The following ROBO2 variants were observed in gnomAD, a reference collection of about 807,000 sequenced individuals.
The protein encoded by ROBO2 is roundabout guidance receptor 2, also known as roundabout homolog 2.
In ROBO2, 53 loss-of-function variants were observed where a neutral mutation model predicts 160.8. The ratio of observed to expected loss-of-function variants is 0.33; its 90% CI spans 0.26 to 0.41. ROBO2 has a LOEUF of 0.41. Ranked by LOEUF, ROBO2 falls within the 10% of genes least tolerant of loss-of-function variation. The pLI is 1.00. For synonymous variants in ROBO2, 664 were observed against 611.7 expected (o/e 1.09, Z -1.26); for missense variants, 1,577 against 1,722.4 (o/e 0.92, Z 1.49).
At chr3:76,947,365 A>G (rs2078625550) in intron 2 of ROBO2, among the ~76,000 whole-genome samples, 1 of 152,194 alleles carries the variant, frequency 6.6e-6, no homozygotes, top group African/African-American at 2.4e-5. Flanking sequence ...TTGTTGGAAC[A>G]AAGGTTTTCC....
In ROBO2 at chr3:77,569,070, C is replaced by T. The variant is rs75136116; in HGVS notation, c.1971+636C>T. Among the ~76,000 whole-genome samples, 736 of 152,024 alleles carry T rather than the reference C, an allele frequency of 4.8e-3. 5 individuals carry two copies. The highest frequency in any genetic ancestry group is 6.6e-3 in the Non-Finnish European group (449 of 67,936). On this transcript the variant is annotated intron_variant, in intron 13 of 25. Coordinates refer to ENST00000461745, the Ensembl canonical transcript of ROBO2. ...ATTCCTTCTTCAGTTGATGGATGTT[C>T]GGGTTGTTTCCAGTTTTGTCTATTA...
intron 12 of ROBO2, 30 bp downstream of exon 13, chr3:77,565,150 TTCTA>T (rs780079194): frequency 2.5e-6 from 4 of 1,612,028 alleles, no homozygotes; most frequent in Non-Finnish European, 3.4e-6. Flanking sequence ...ACAAGACTGG[TTCTA>T]GGCAGAAACA....
chr3:76,588,243 G>T (rs954702223), intron 2 of ROBO2, among the ~76,000 whole-genome samples: 6 of 152,136 alleles, frequency 3.9e-5, no homozygotes, highest in African/African-American at 1.4e-4. Flanking sequence ...ACTGTGTCAT[G>T]TATTGGTATC....
At chr3:77,113,737 C>T (rs988408255) in intron 2 of ROBO2, among the ~76,000 whole-genome samples, 6 of 152,144 alleles carry the variant, frequency 3.9e-5, no homozygotes, top group African/African-American at 1.2e-4. Flanking sequence ...AGGGTCCTCA[C>T]CCTATGCATA....
chr3:77,616,065 A>G (rs1052201695), intron 21 of ROBO2, among the ~76,000 whole-genome samples: 2 of 152,206 alleles, frequency 1.3e-5, no homozygotes, highest in Admixed American at 1.3e-4. Context: ...GTGGGAGAAA[A>G]GAAACACAGA....
At chr3:75,945,069 T>C (rs974269229) in intron 2 of ROBO2, among the ~76,000 whole-genome samples, 1 of 152,170 alleles carries the variant, frequency 6.6e-6, no homozygotes, top group African/African-American at 2.4e-5. Flanking sequence ...TAATTCAGAC[T>C]ATATATTTCT....
intron 2 of ROBO2, among the ~76,000 whole-genome samples, chr3:76,222,577 A>G (rs575122608): frequency 4.6e-5 from 7 of 152,088 alleles, no homozygotes; most frequent in African/African-American, 1.7e-4. Flanking sequence ...TCTGTGACCA[A>G]TTATTACTTT....
chr3:76,354,265 A>G (rs1375638457), intron 2 of ROBO2, among the ~76,000 whole-genome samples: 2 of 151,972 alleles, frequency 1.3e-5, no homozygotes, highest in Admixed American at 6.6e-5. Flanking sequence ...TCTTAGTAAG[A>G]AGAAAGTGCC....
At chr3:76,420,865 T>C (rs2075967615) in intron 2 of ROBO2, among the ~76,000 whole-genome samples, 2 of 152,198 alleles carry the variant, frequency 1.3e-5, no homozygotes, top group South Asian at 2.1e-4. Context: ...CCACAGAAAA[T>C]TGTCATTCCA....
At chr3:76,085,508 G>A (rs1358446474) in intron 2 of ROBO2, among the ~76,000 whole-genome samples, 1 of 152,056 alleles carries the variant, frequency 6.6e-6, no homozygotes, top group Non-Finnish European at 1.5e-5. Context: ...TAGACTTGCA[G>A]TTTTCATTAC....
At chr3:77,480,387 A>T (rs2084544485) in intron 3 of ROBO2, among the ~76,000 whole-genome samples, 1 of 151,920 alleles carries the variant, frequency 6.6e-6, no homozygotes, top group African/African-American at 2.4e-5. Context: ...TAGCAAATAC[A>T]TATTTTAATA....
At chr3:77,014,239 C>G (rs993962362) in intron 2 of ROBO2, among the ~76,000 whole-genome samples, 8 of 152,092 alleles carry the variant, frequency 5.3e-5, no homozygotes, top group African/African-American at 1.9e-4. Flanking sequence ...GCCAAATTGT[C>G]CCTGTCTCTT....
intron 2 of ROBO2, among the ~76,000 whole-genome samples, chr3:76,370,087 G>A (rs1041740037): frequency 6.6e-6 from 1 of 151,906 alleles, no homozygotes; most frequent in Non-Finnish European, 1.5e-5. Flanking sequence ...ATATTACAGA[G>A]AGCTTTGCAT....
intron 2 of ROBO2, among the ~76,000 whole-genome samples, chr3:75,998,751 C>G (rs574958629): frequency 2.6e-5 from 4 of 152,204 alleles, no homozygotes; most frequent in East Asian, 1.9e-4. Flanking sequence ...TAGGATGATG[C>G]AAGTTTCAAG....
In ROBO2 at chr3:77,577,387, G is replaced by A. The variant is rs533346101; in HGVS notation, c.2204-103G>A. On this transcript the variant is annotated intron_variant, in intron 14 of 25. Transcript: ENST00000461745. ...CCGTGTGCATTCAGAACTCCTGGAA[G>A]CCAGAGTCTCCTGCAACTTGTCTTT... The A allele has an allele frequency of 2.0e-6, 3 of 1,473,600 alleles. No individual in the cohort carries two copies. In the East Asian group the frequency reaches 6.8e-5, roughly 34 times the overall value. 91.3% of individuals were successfully genotyped at this position (1,473,600 alleles called of 1,614,324 possible).
At chr3:76,658,078 A>G (rs1575769610) in intron 2 of ROBO2, among the ~76,000 whole-genome samples, 2 of 118,630 alleles carry the variant, frequency 1.7e-5, no homozygotes, top group African/African-American at 5.7e-5. Flanking sequence ...ATAAATAAAT[A>G]AATAAATAAA....
chr3:76,857,195 C>T (rs2070212020), intron 2 of ROBO2, among the ~76,000 whole-genome samples: 1 of 152,050 alleles, frequency 6.6e-6, no homozygotes. Flanking sequence ...CCGTGTTAGC[C>T]AGGATGGTCT....
intron 1 of ROBO2, among the ~76,000 whole-genome samples, chr3:77,079,296 A>T (rs564772401): frequency 6.6e-6 from 1 of 152,326 alleles, no homozygotes; most frequent in East Asian, 1.9e-4. Flanking sequence ...GTTATACTTT[A>T]TGAAGGAACT....
chr3:76,017,176 G>A (rs911812127), intron 2 of ROBO2, among the ~76,000 whole-genome samples: 1 of 152,094 alleles, frequency 6.6e-6, no homozygotes, highest in African/African-American at 2.4e-5. Flanking sequence ...CATGGCAACA[G>A]GTGCTTACTC....
Sources: allele counts gnomAD v4.1 joint callset (sites outside exome capture counted in the v4.1 genomes callset), GRCh38; gene constraint gnomAD v4.1.1; transcripts MANE v1.5; gene names NCBI Gene and HGNC (gene_info 2026-07-23, HGNC 2026-07-21).